Variants in SLC7A6OS observed in about 807,000 individuals in gnomAD.
SLC7A6OS encodes solute carrier family 7 member 6 opposite strand.
In SLC7A6OS, 22 loss-of-function variants were observed where a neutral mutation model predicts 34.3. That is an observed-to-expected ratio of 0.64 (90% CI 0.46 to 0.92). The LOEUF (loss-of-function observed/expected upper bound fraction) is 0.92, where lower values mean the gene tolerates loss of function less well. Among genes scored for constraint, SLC7A6OS ranks in the 40% least tolerant of loss-of-function variants. SLC7A6OS has a pLI of 0.00. For synonymous variants in SLC7A6OS, 199 were observed against 165.0 expected (o/e 1.21, Z -1.58); for missense variants, 434 against 407.7 (o/e 1.06, Z -0.56).
At chr16:68,303,390 G>T (rs1405549084) in intron 3 of SLC7A6OS, among the ~76,000 whole-genome samples, 1 of 151,952 alleles carries the variant, frequency 6.6e-6, no homozygotes, top group Non-Finnish European at 1.5e-5. Flanking sequence ...GACCAGCCTG[G>T]ACAACATAGT....
At chr16:68,303,217 T>C (rs1171161818) in intron 3 of SLC7A6OS, among the ~76,000 whole-genome samples, 1 of 149,438 alleles carries the variant, frequency 6.7e-6, no homozygotes, top group African/African-American at 2.5e-5. Flanking sequence ...TGAGCCAAGA[T>C]TGCACCATTG....
Position 68,310,901 on chromosome 16 carries a change from A to AGTCT in SLC7A6OS, c.25_26insAGAC (p.Leu9GlnfsTer21). The AGTCT allele has an allele frequency of 6.3e-7, 1 of 1,597,790 alleles. No homozygotes were observed. On this transcript the variant is annotated frameshift_variant, in exon 1 of 5. Transcript: ENST00000263997. LOFTEE classifies it high-confidence loss of function. Reference sequence around the variant, plus strand: ...CGCACTGCGCTTCCGCTTCACCCGGAGTACAGCGGTCCTGGCGGCCTCCAT... The same window carrying AGTCT: ...CGCACTGCGCTTCCGCTTCACCCGGAGTCTGTACAGCGGTCCTGGCGGCCTCCAT...
At position 68,304,188 on chromosome 16, in the gene SLC7A6OS, G is replaced by C; in HGVS notation, c.516C>G (p.Ile172Met). 6.2e-7 allele frequency: 1 copy of C among 1,614,154 alleles called. No homozygotes were observed. The highest frequency in any genetic ancestry group is 2.2e-5 in the East Asian group (1 of 44,878). The change falls in exon 3 of 5, where the codon ATC becomes ATG. Residue 172 changes from isoleucine (I) to methionine (M), a missense_variant. By Grantham distance (10) the Ile-to-Met change is conservative (BLOSUM62 1). Coordinates refer to ENST00000263997, the MANE Select transcript of SLC7A6OS (RefSeq NM_032178.3). ...DVILCNSVEL[I>M]RERLTVSEDG... ...CCTCAGACACAGTCAATCGCTCACG[G>C]ATCAACTCTACAGAATTGCAGAGGA... is the stretch of plus-strand genomic sequence containing the variant.
chr16:68,307,161 A>G (rs1365078362), intron 2 of SLC7A6OS, among the ~76,000 whole-genome samples: 1 of 152,222 alleles, frequency 6.6e-6, no homozygotes, highest in Non-Finnish European at 1.5e-5. Flanking sequence ...TAGTGTTGCA[A>G]TGAATGTGCC....
At position 68,310,767 on chromosome 16, in the gene SLC7A6OS, C is replaced by T; in HGVS notation, c.160G>A (p.Val54Ile). 6.2e-7 allele frequency: 1 copy of T among 1,612,954 alleles called. No homozygotes were observed. Among genetic ancestry groups the T allele is most frequent in the East Asian group, 2.2e-5 (1 of 44,872 alleles). ...CACACAGTGGCCACCAAGTGGAAGA[C>T]ATTATTCTCCGCCGCTCTCTCCAAA... ...EGLERAAENN[V>I]FHLVATVCSQ... The change falls in exon 1 of 5, where the codon GTC (valine) becomes ATC (isoleucine). Residue 54 changes from valine (V) to isoleucine (I), a missense_variant. Physicochemically the swap from Val to Ile is conservative, Grantham distance 29. Coordinates refer to ENST00000263997, the MANE Select transcript of SLC7A6OS (RefSeq NM_032178.3).
rs879183178 is a variant in SLC7A6OS, at chr16:68,301,229, A to G, written c.*46T>C. 6 of 1,591,556 alleles carry G rather than the reference A, an allele frequency of 3.8e-6. No homozygotes were observed. The South Asian group carries it at 5.6e-5, about 15-fold the overall frequency. On this transcript the variant is annotated 3_prime_UTR_variant, in exon 5 of 5. Coordinates refer to ENST00000263997, the MANE Select transcript of SLC7A6OS (RefSeq NM_032178.3). ...GCAGGGCAGTTAACTCTGGACTCAG[A>G]GCCCTCAAGGGCATGTGGCAGAACC...
intron 2 of SLC7A6OS, among the ~76,000 whole-genome samples, chr16:68,306,901 A>C (rs1405024189): frequency 5.3e-5 from 8 of 152,172 alleles, no homozygotes; most frequent in Non-Finnish European, 7.4e-5. Flanking sequence ...GGAGGGCAGC[A>C]GTATGATCAT....
intron 2 of SLC7A6OS, among the ~76,000 whole-genome samples, chr16:68,305,709 C>G (rs187112378): frequency 1.1e-4 from 16 of 152,288 alleles, no homozygotes; most frequent in African/African-American, 3.9e-4. Flanking sequence ...TTACCTATGA[C>G]AAAAGTTCTG....
chr16:68,309,320 C>A (rs965262352), intron 2 of SLC7A6OS, among the ~76,000 whole-genome samples: 2 of 151,948 alleles, frequency 1.3e-5, no homozygotes, highest in African/African-American at 4.8e-5. Flanking sequence ...TGGCCTCAAG[C>A]GACCCTCCTG....
rs763536385 is a variant in SLC7A6OS, at chr16:68,298,906, G to C, written c.*2369C>G. The C allele has an allele frequency of 6.6e-6, 1 of 152,600 alleles. No individual in the cohort carries two copies. The highest frequency in any genetic ancestry group is 2.1e-4 in the South Asian group (1 of 4,830). The allele number at this position is 152,600 out of a possible 1,614,324, so 9.5% of individuals were successfully genotyped here. On this transcript the variant is annotated 3_prime_UTR_variant, in exon 5 of 5. Coordinates refer to ENST00000263997, the MANE Select transcript of SLC7A6OS (RefSeq NM_032178.3). ...GGCTTATCCTTAGGTTTTGGAATTG[G>C]TCAACAGTGAGGCAGTCTCCCTTCC...
intron 2 of SLC7A6OS, among the ~76,000 whole-genome samples, chr16:68,307,109 G>T (rs567087815): frequency 8.5e-5 from 13 of 152,284 alleles, no homozygotes; most frequent in African/African-American, 3.1e-4. Flanking sequence ...CCAGACAGTT[G>T]TATGTGTCAA....
chr16:68,310,242 TC>T, intron 2 of SLC7A6OS, 92 bp downstream of exon 2: 2 of 1,350,952 alleles, frequency 1.5e-6, no homozygotes, highest in Non-Finnish European at 1.0e-6. Context: ...GGATCATCCA[TC>T]CCCTTAAGAT....
At position 68,310,604 on chromosome 16, in the gene SLC7A6OS, C is replaced by G. The variant is rs1418512539; in HGVS notation, c.202G>C (p.Val68Leu). 1.3e-6 allele frequency: 2 copies of G among 1,597,348 alleles called. No homozygotes were observed. Among genetic ancestry groups the G allele is most frequent in the South Asian group, 1.1e-5 (1 of 90,106 alleles). The change falls in exon 2 of 5, where the codon GTC becomes CTC. Residue 68 changes from valine to leucine, a missense_variant. By Grantham distance (32) the Val-to-Leu change is conservative. Coordinates refer to ENST00000263997, the MANE Select transcript of SLC7A6OS (RefSeq NM_032178.3). ...AGAACTTCCCGCAGGAGAGGCTGGA[C>G]TGGTTCCTCCTAGGGGGCAACAGGG... ...VATVCSQEEP[V>L]QPLLREVLRP...
intron 2 of SLC7A6OS, among the ~76,000 whole-genome samples, chr16:68,306,365 C>T (rs1407360613): frequency 2.6e-5 from 4 of 151,910 alleles, no homozygotes; most frequent in East Asian, 1.9e-4. Flanking sequence ...ATTACAGGTA[C>T]GCACCACCAT....
At chr16:68,303,199 G>A (rs1481757052) in intron 3 of SLC7A6OS, among the ~76,000 whole-genome samples, 1 of 151,088 alleles carries the variant, frequency 6.6e-6, no homozygotes, top group East Asian at 1.9e-4. Flanking sequence ...AGGAGGCGGA[G>A]GTTGCAATGA....
intron 2 of SLC7A6OS, among the ~76,000 whole-genome samples, chr16:68,305,709 C>CA (rs1213504394): frequency 6.6e-6 from 1 of 152,170 alleles, no homozygotes; most frequent in African/African-American, 2.4e-5. Flanking sequence ...TTACCTATGA[C>CA]AAAAGTTCTG....
chr16:68,306,897 C>A (rs914584954), intron 2 of SLC7A6OS, among the ~76,000 whole-genome samples: 1 of 152,100 alleles, frequency 6.6e-6, no homozygotes, highest in Non-Finnish European at 1.5e-5. Context: ...GGCTGGAGGG[C>A]AGCAGTATGA....
rs1446788311 is a variant in SLC7A6OS at position 68,300,176 on chromosome 16, GAAAT to G, written c.*1095_*1098del. 6.6e-6 allele frequency: 1 copy of G among 152,192 alleles called. No homozygotes were observed. Among genetic ancestry groups the G allele is most frequent in the Non-Finnish European group, 1.5e-5 (1 of 68,044 alleles). The allele number at this position is 152,192 out of a possible 1,614,324, so 9.4% of individuals were successfully genotyped here. On this transcript the variant is annotated 3_prime_UTR_variant, in exon 5 of 5. Transcript: ENST00000263997. ...CACGTGTAGCTAATTACATTAAAAT[GAAAT>G]AAAATTAAAAGCTCAGTTTCTCAGT...
Position 68,310,341 on chromosome 16 carries a change from G to A in SLC7A6OS, c.465C>T (p.Ser155=), listed in dbSNP as rs780426321. 1 of 1,600,040 alleles carries A rather than the reference G, an allele frequency of 6.2e-7. No individual in the cohort carries two copies. Among genetic ancestry groups the A allele is most frequent in the Non-Finnish European group, 8.5e-7 (1 of 1,170,284 alleles). The part of the protein sequence containing the change: ...EGEPEAASAG[S]CKTSDPDVIL... ...CCTTCAGGGGCATACTCACTTTGCA[G>A]GAGCCTGCAGAGGCGGCTTCAGGTT... The change falls in exon 2 of 5, where the codon TCC becomes TCT. Residue 155 remains serine (S), a synonymous_variant. Coordinates refer to ENST00000263997, the MANE Select transcript of SLC7A6OS (RefSeq NM_032178.3).
Sources: gnomAD v4.1 joint callset for allele counts (sites outside exome capture counted in the v4.1 genomes callset) on GRCh38, gnomAD v4.1.1 for gene constraint, MANE v1.5 for transcripts, NCBI Gene and HGNC (gene_info 2026-07-23, HGNC 2026-07-21) for gene names.